The following PLCE1 variants were observed in gnomAD, a reference collection of about 807,000 sequenced individuals.
The protein encoded by PLCE1 is 1-phosphatidylinositol 4,5-bisphosphate phosphodiesterase epsilon-1.
In PLCE1, 119 loss-of-function variants were observed where a neutral mutation model predicts 242.8. The observed-to-expected ratio is 0.49, with a 90% CI of 0.42 to 0.57. The LOEUF (loss-of-function observed/expected upper bound fraction) is 0.57, where lower values mean the gene tolerates loss of function less well. PLCE1 is among the 20% of genes least tolerant of loss of function. The pLI is 0.00. For missense variants in PLCE1, 2,441 were observed against 2,788.8 expected, an observed-to-expected ratio of 0.88 and a Z score of 2.81; for synonymous variants, 945 against 1,017.4, an observed-to-expected ratio of 0.93 and a Z score of 1.35.
chr10:94,202,685 CTACAAGGTGT>C (rs1232260714), intron 4 of PLCE1, among the ~76,000 whole-genome samples: 1 of 152,218 alleles, frequency 6.6e-6, no homozygotes, highest in African/African-American at 2.4e-5. Flanking sequence ...GGCCCCTTGG[CTACAAGGTGT>C]GTCCGTGCGG....
intron 1 of PLCE1, among the ~76,000 whole-genome samples, chr10:94,010,061 T>C (rs1482505508): frequency 6.6e-6 from 1 of 152,246 alleles, no homozygotes; most frequent in East Asian, 1.9e-4. Context: ...TCTCCCTCCA[T>C]GGCAGGCTTC....
intron 22 of PLCE1, among the ~76,000 whole-genome samples, chr10:94,285,990 C>T (rs966582027): frequency 2.0e-5 from 3 of 152,142 alleles, no homozygotes; most frequent in Non-Finnish European, 4.4e-5. Flanking sequence ...TCTCTTGTTT[C>T]GGGCTGTTTT....
At position 94,234,073 on chromosome 10, in the gene PLCE1, A is replaced by C; in HGVS notation, c.1975A>C (p.Met659Leu). 1 of 1,614,022 alleles carries C rather than the reference A, an allele frequency of 6.2e-7. No homozygotes were observed. Among genetic ancestry groups the C allele is most frequent in the Non-Finnish European group, 8.5e-7 (1 of 1,179,888 alleles). The part of the protein sequence containing the change: ...AGLRSRKVLK[M>L]WQFMDQSDIE... ...CAATAGGTCAAGAAAAGTTTTAAAAATGTGGCAGTTCATGGACCAGTCTGA... is the reference window on the plus strand; with the variant it reads ...CAATAGGTCAAGAAAAGTTTTAAAACTGTGGCAGTTCATGGACCAGTCTGA... The change falls in exon 6 of 33, where the codon ATG becomes CTG. Residue 659 changes from methionine to leucine, a missense_variant. Transcript: ENST00000371380.
At chr10:94,225,858 C>T (rs918609703) in intron 4 of PLCE1, among the ~76,000 whole-genome samples, 4 of 152,226 alleles carry the variant, frequency 2.6e-5, no homozygotes, top group Admixed American at 1.3e-4. Context: ...AGGCAGTATG[C>T]CATTGACCTT....
chr10:94,307,969 C>T (rs1047073890), intron 26 of PLCE1, among the ~76,000 whole-genome samples: 2 of 152,122 alleles, frequency 1.3e-5, no homozygotes, highest in Admixed American at 1.3e-4. Flanking sequence ...GTGTATAAGT[C>T]TTGCAGGCTT....
intron 2 of PLCE1, among the ~76,000 whole-genome samples, chr10:94,066,640 T>C (rs1380730563): frequency 6.6e-6 from 1 of 152,192 alleles, no homozygotes. Flanking sequence ...ACTATTCCCA[T>C]GCTTGCGTGT....
intron 9 of PLCE1, 41 bp from the exon 10 acceptor site, chr10:94,254,149 G>A (rs375111656): frequency 1.8e-5 from 26 of 1,429,914 alleles, no homozygotes; most frequent in Non-Finnish European, 2.4e-5. Context: ...TGATGGGAGA[G>A]AAATACAGGC....
intron 4 of PLCE1, among the ~76,000 whole-genome samples, chr10:94,226,879 A>G (rs7098833): frequency 0.66 from 86,623 of 131,460 alleles, 28,311 homozygotes; most frequent in East Asian, 0.93. Context: ...TTGCTCTGTC[A>G]CCCAGGCTGC....
chr10:94,112,651 C>T (rs76371541), intron 2 of PLCE1, among the ~76,000 whole-genome samples: 2,080 of 152,242 alleles, frequency 0.014, 40 homozygotes, highest in African/African-American at 0.047. Context: ...TAAATCAGTA[C>T]ATTGGATATG....
At chr10:94,172,247 GT>G (rs2048007426) in intron 4 of PLCE1, among the ~76,000 whole-genome samples, 1 of 152,142 alleles carries the variant, frequency 6.6e-6, no homozygotes, top group South Asian at 2.1e-4. Context: ...CAGTACTGGG[GT>G]TGGGCGGACT....
intron 4 of PLCE1, among the ~76,000 whole-genome samples, chr10:94,190,015 T>A (rs1430168673): frequency 6.6e-6 from 1 of 152,208 alleles, no homozygotes; most frequent in African/African-American, 2.4e-5. Context: ...AAAGAATGTA[T>A]CCAAGCCGAG....
intron 2 of PLCE1, among the ~76,000 whole-genome samples, chr10:94,119,683 A>G (rs545835804): frequency 4.6e-5 from 7 of 152,256 alleles, no homozygotes; most frequent in Admixed American, 3.9e-4. Flanking sequence ...TGTGTATCTG[A>G]AACACTGTAT....
chr10:94,033,650 G>T (rs777161294), intron 2 of PLCE1, among the ~76,000 whole-genome samples: 1 of 151,936 alleles, frequency 6.6e-6, no homozygotes, highest in Non-Finnish European at 1.5e-5. Context: ...TAAGAATCCT[G>T]CTCTGGAAAT....
chr10:94,214,794 G>T (rs1250746905), intron 4 of PLCE1, among the ~76,000 whole-genome samples: 1 of 152,164 alleles, frequency 6.6e-6, no homozygotes, highest in Admixed American at 6.5e-5. Context: ...ACACCTGCCC[G>T]AGGACCAAGA....
intron 11 of PLCE1, among the ~76,000 whole-genome samples, chr10:94,256,053 G>A (rs531986704): frequency 3.3e-5 from 5 of 149,882 alleles, no homozygotes; most frequent in African/African-American, 4.9e-5. Context: ...GGCTGGGCAC[G>A]GTGGCTCTCA....
chr10:94,110,165 C>T (rs1234405036), intron 2 of PLCE1, among the ~76,000 whole-genome samples: 1 of 134,188 alleles, frequency 7.5e-6, no homozygotes, highest in Non-Finnish European at 1.5e-5. Context: ...TGGGTTCATG[C>T]CATTCTCCTG....
At position 94,325,073 on chromosome 10, in the gene PLCE1, G is replaced by A. The variant is rs776445270; in HGVS notation, c.6902G>A (p.Arg2301Gln). ...GLSSSDTMDY[R>Q]Q ...TCCTCCAGTGACACAATGGATTACCGACAGTGACTAAGGGCAGCATGTTTA... is the reference window on the plus strand; with the variant it reads ...TCCTCCAGTGACACAATGGATTACCAACAGTGACTAAGGGCAGCATGTTTA... The change falls in exon 32 of 33, where the codon CGA (arginine) becomes CAA (glutamine). Residue 2301 changes from arginine (R) to glutamine (Q), a missense_variant. By Grantham distance (43) the Arg-to-Gln change is conservative (BLOSUM62 1). This residue lies in a region of PLCE1 where 310 missense variants were observed against 317.2 expected (regional missense o/e 0.98). Coordinates refer to ENST00000371380, the MANE Select transcript of PLCE1 (RefSeq NM_016341.4). The A allele has an allele frequency of 1.3e-5, 21 of 1,613,818 alleles. No individual in the cohort carries two copies. The highest frequency in any genetic ancestry group is 3.3e-5 in the South Asian group (3 of 91,066).
chr10:94,173,546 A>G, intron 4 of PLCE1, among the ~76,000 whole-genome samples: 1 of 152,218 alleles, frequency 6.6e-6, no homozygotes, highest in Non-Finnish European at 1.5e-5. Flanking sequence ...CTTTATTTTT[A>G]AATTTCGACC....
At chr10:94,269,550 C>T (rs1224891217) in intron 17 of PLCE1, among the ~76,000 whole-genome samples, 2 of 152,142 alleles carry the variant, frequency 1.3e-5, no homozygotes, top group African/African-American at 4.8e-5. Context: ...TAATCTAGAA[C>T]TCTCATTAGA....
Sources: gnomAD v4.1 joint callset for allele counts (sites outside exome capture counted in the v4.1 genomes callset) on GRCh38, gnomAD v4.1.1 for gene constraint, gnomAD v4.1.1 regional missense constraint, MANE v1.5 for transcripts, NCBI Gene and HGNC (gene_info 2026-07-23, HGNC 2026-07-21) for gene names.